TEP1: variants seen among roughly 807,000 people sequenced by gnomAD.
TEP1 encodes telomerase protein component 1.
A neutral mutation model predicts 306.3 loss-of-function variants in TEP1; 241 were observed. That is an observed-to-expected ratio of 0.79 (90% confidence interval 0.71 to 0.88). The LOEUF (loss-of-function observed/expected upper bound fraction) is 0.88. Among genes scored for constraint, TEP1 ranks in the 40% least tolerant of loss-of-function variants. TEP1 has a pLI of 0.00. For missense variants in TEP1, 3,051 were observed against 3,276.1 expected (o/e 0.93, Z 1.68); for synonymous variants, 1,289 against 1,305.5 (o/e 0.99, Z 0.27).
At chr14:20,368,991 C>T in intron 53 of TEP1, 89 bp from the exon 54 acceptor site, 1 of 887,292 alleles carries the variant, frequency 1.1e-6, no homozygotes, top group Non-Finnish European at 1.8e-6. Context: ...AGACCTACAG[C>T]CCTCCTCCCT....
chr14:20,372,627 A>G, intron 49 of TEP1, 106 bp downstream of exon 49: 1 of 1,515,166 alleles, frequency 6.6e-7, no homozygotes. Context: ...TCAGTAACTA[A>G]CATCCAATTG....
At chr14:20,373,612 G>A (rs758565231) in intron 45 of TEP1, 29 bp from the exon 46 acceptor site, 15 of 1,614,106 alleles carry the variant, frequency 9.3e-6, no homozygotes, top group Non-Finnish European at 1.3e-5. Context: ...TGAGTCAGAA[G>A]AAGGGACGGA....
intron 1 of TEP1, among the ~76,000 whole-genome samples, chr14:20,408,770 A>C (rs982794470): frequency 6.6e-6 from 1 of 152,066 alleles, no homozygotes; most frequent in Non-Finnish European, 1.5e-5. Flanking sequence ...AGTTTGAGGC[A>C]AGCCTGGGCA....
At chr14:20,371,190 C>T (rs1242293787) in intron 51 of TEP1, 28 bp downstream of exon 51, 21 of 1,594,792 alleles carry the variant, frequency 1.3e-5, no homozygotes, top group Non-Finnish European at 1.7e-5. Context: ...CGAATGTTTG[C>T]TTTAGCACAC....
chr14:20,401,604 C>T (rs1878759483), intron 7 of TEP1, 23 bp from the exon 8 acceptor site: 1 of 1,612,868 alleles, frequency 6.2e-7, no homozygotes, highest in African/African-American at 1.3e-5. Context: ...CCCCAAGTCC[C>T]ACAGGGGTCC....
rs964680228 is a variant in TEP1 at position 20,391,654 on chromosome 14, A to G, written c.2042T>C (p.Val681Ala). Residue 681 changes from valine to alanine, a missense_variant, in exon 13 of 55, where the codon GTC becomes GCC. Transcript: ENST00000262715. ...LPLLPGRTVL[V>A]YLTDANADRL... ...GTCTGCATTAGCATCTGTCAGATAG[A>G]CCAAGACAGTGCGGCCTGGCAGCAG... is the stretch of plus-strand genomic sequence containing the variant. 2 of 1,614,194 alleles carry G rather than the reference A, an allele frequency of 1.2e-6. No homozygotes were observed. Among genetic ancestry groups the G allele is most frequent in the Non-Finnish European group, 1.7e-6 (2 of 1,180,036 alleles).
chr14:20,390,699 C>A lies in TEP1; in HGVS notation c.2316G>T (p.Leu772=). ...TACTCACAGGAACCCTTTGGCCAGC[C>A]AGAGACAGCAGGTATTTCCCAAAAG... ...LNTFGKYLLS[L]AGQRVPVDRV... The change falls in exon 15 of 55, where the codon CTG becomes CTT. Residue 772 remains leucine, a synonymous_variant. Coordinates refer to ENST00000262715, the MANE Select transcript of TEP1 (RefSeq NM_007110.5). The A allele has an allele frequency of 6.2e-7, 1 of 1,614,158 alleles. No individual in the cohort carries two copies. The highest frequency in any genetic ancestry group is 1.3e-5 in the African/African-American group (1 of 75,028).
rs1001470030 is a variant in TEP1, at chr14:20,380,148, T to G, written c.5003+87A>C. On this transcript the variant is annotated intron_variant, in intron 34 of 54. Coordinates refer to ENST00000262715, the MANE Select transcript of TEP1 (RefSeq NM_007110.5). The stretch of plus-strand genomic sequence containing the variant: ...TCTGTGCCTGGATCCCTCTCCAGTG[T>G]TTCTGGTCATCCTTATTCCTCAGTT... 9.5e-6 allele frequency: 15 copies of G among 1,581,060 alleles called. No individual in the cohort carries two copies. In the East Asian group the frequency reaches 2.0e-4, roughly 21 times the overall value.
chr14:20,403,479 A>G, intron 6 of TEP1, 31 bp from the exon 7 acceptor site: 1 of 1,613,506 alleles, frequency 6.2e-7, no homozygotes. Context: ...ATTTCAAAAA[A>G]AGGGAACTGG....
chr14:20,378,593 C>A, intron 37 of TEP1, 58 bp from the exon 38 acceptor site: 2 of 1,609,480 alleles, frequency 1.2e-6, no homozygotes, highest in East Asian at 2.2e-5. Flanking sequence ...ACTTCTCAGT[C>A]CCAGACCTCC....
intron 9 of TEP1, among the ~76,000 whole-genome samples, chr14:20,398,533 C>A (rs532439478): frequency 1.3e-5 from 2 of 151,372 alleles, no homozygotes; most frequent in South Asian, 4.2e-4. Flanking sequence ...GAAGGGGTGA[C>A]ATTAATGCCC....
chr14:20,401,636 C>G, intron 7 of TEP1, 55 bp from the exon 8 acceptor site: 1 of 1,600,868 alleles, frequency 6.2e-7, no homozygotes, highest in Non-Finnish European at 8.5e-7. Context: ...ACCATGGGAA[C>G]TTTCTTCAAT....
At chr14:20,385,199 T>G in intron 20 of TEP1, 90 bp from the exon 21 acceptor site, 25 of 1,513,024 alleles carry the variant, frequency 1.7e-5, no homozygotes, top group Non-Finnish European at 2.2e-5. Flanking sequence ...CCTGTATCTC[T>G]GATGTTCCTC....
chr14:20,397,863 C>T (rs1878332178), intron 9 of TEP1, among the ~76,000 whole-genome samples: 2 of 151,982 alleles, frequency 1.3e-5, no homozygotes, highest in African/African-American at 2.4e-5. Context: ...AAGCAATTCT[C>T]CTGCCTCAGC....
intron 43 of TEP1, among the ~76,000 whole-genome samples, chr14:20,374,968 A>T (rs1885085506): frequency 6.6e-6 from 1 of 151,856 alleles, no homozygotes; most frequent in Non-Finnish European, 1.5e-5. Flanking sequence ...GCAGGTGCCT[A>T]TAATCTCAGC....
chr14:20,378,137 C>A lies in TEP1; in HGVS notation c.5608G>T (p.Ala1870Ser). 6.2e-7 allele frequency: 1 copy of A among 1,613,888 alleles called. No homozygotes were observed. Among genetic ancestry groups the A allele is most frequent in the Non-Finnish European group, 8.5e-7 (1 of 1,180,024 alleles). The change falls in exon 39 of 55, where the codon GCC (alanine) becomes TCC (serine). Residue 1870 changes from alanine to serine, a missense_variant. Ala to Ser is a moderately conservative substitution (Grantham distance 99). Around this residue, in one of 3 missense-constraint regions of TEP1, gnomAD observed 1,540 missense variants for 1,705.9 expected, o/e 0.90. Coordinates refer to ENST00000262715, the MANE Select transcript of TEP1 (RefSeq NM_007110.5). ...GCCAGCCGTGCCCCTTCTCGCCAGG[C>A]CCACAGCTCCACCATACTGTCCAGC... is the stretch of plus-strand genomic sequence containing the variant. ...GRLDSMVELW[A>S]WREGARLAAF...
Position 20,373,094 on chromosome 14 carries a change from G to T in TEP1, c.6868C>A (p.Pro2290Thr). The change falls in exon 48 of 55, where the codon CCA becomes ACA. Residue 2290 changes from proline to threonine, a missense_variant. This residue lies in a region of TEP1 where 1,540 missense variants were observed against 1,705.9 expected (regional missense o/e 0.90). Coordinates refer to ENST00000262715, the MANE Select transcript of TEP1 (RefSeq NM_007110.5). ...SAAVTAVAWA[P>T]DGSMAVSGNQ... ...CCAGATACTGCCATGGAACCATCTG[G>T]TGCCCAAGCCACAGCAGTGACGGCT... is the stretch of plus-strand genomic sequence containing the variant. 1 of 1,614,208 alleles carries T rather than the reference G, an allele frequency of 6.2e-7. No individual in the cohort carries two copies. The highest frequency in any genetic ancestry group is 8.5e-7 in the Non-Finnish European group (1 of 1,180,048).
intron 51 of TEP1, 119 bp downstream of exon 51, chr14:20,371,099 A>G: frequency 1.3e-6 from 1 of 798,124 alleles, no homozygotes; most frequent in Middle Eastern, 2.4e-4. Context: ...TTGAAGGAGG[A>G]TAAGAGGATT....
rs140696200 is a variant in TEP1 at position 20,378,530 on chromosome 14, C to T, written c.5358G>A (p.Trp1786Ter). The T allele has an allele frequency of 3.2e-5, 52 of 1,614,204 alleles. No homozygotes were observed. In the African/African-American group the frequency reaches 6.5e-4, roughly 20 times the overall value. Reference protein sequence around the residue: ...TVCLGGCLKLWDTVRGQLAFQ... With the variant: ...TVCLGGCLKL ...AGGCCAGCTGCCCACGGACTGTGTC[C>T]CACAGCTGAGGGAGAGAGAGGAGGA... The change falls in exon 38 of 55, where the codon TGG (tryptophan) becomes TGA (stop). Residue 1786 changes from tryptophan (W) to a stop codon, truncating the protein, a stop_gained. Coordinates refer to ENST00000262715, the MANE Select transcript of TEP1 (RefSeq NM_007110.5). LOFTEE classifies it high-confidence loss of function.
Sources: allele counts gnomAD v4.1 joint callset (sites outside exome capture counted in the v4.1 genomes callset), GRCh38; gene constraint gnomAD v4.1.1; regional missense constraint gnomAD v4.1.1; transcripts MANE v1.5; gene names NCBI Gene and HGNC (gene_info 2026-07-23, HGNC 2026-07-21).